AFG2A: variants seen among roughly 807,000 people sequenced by gnomAD.
AFG2A encodes the protein AAA ATPase AFG2A, also known as ATPase family gene 2 protein homolog A.
chr4:123,293,040 C>G, the AFG2A span, among the ~76,000 whole-genome samples: 52 of 152,192 alleles, frequency 3.4e-4, no homozygotes, highest in African/African-American at 1.2e-3. Flanking sequence ...ATCTGCCTCC[C>G]TGTCACACTC....
chr4:123,153,809 A>G, the AFG2A span, among the ~76,000 whole-genome samples: 2 of 152,196 alleles, frequency 1.3e-5, no homozygotes, highest in South Asian at 4.1e-4. Context: ...TCAAATGGAA[A>G]AAGAAAAAAC....
chr4:123,044,615 C>A, the AFG2A span, among the ~76,000 whole-genome samples: 1 of 152,172 alleles, frequency 6.6e-6, no homozygotes, highest in Non-Finnish European at 1.5e-5. Context: ...CATGTTTTAA[C>A]AAGTTAGTAT....
chr4:123,247,024 C>T, the AFG2A span, among the ~76,000 whole-genome samples: 1 of 152,084 alleles, frequency 6.6e-6, no homozygotes, highest in Non-Finnish European at 1.5e-5. Context: ...CATTTTCTGA[C>T]CCATTTGTAA....
At chr4:123,264,116 A>G in the AFG2A span, among the ~76,000 whole-genome samples, 3 of 152,174 alleles carry the variant, frequency 2.0e-5, no homozygotes, top group Non-Finnish European at 4.4e-5. Context: ...AGAAACAGAA[A>G]CCCAAACATC....
the AFG2A span, among the ~76,000 whole-genome samples, chr4:123,187,582 A>G: frequency 6.6e-6 from 1 of 152,156 alleles, no homozygotes; most frequent in African/African-American, 2.4e-5. Context: ...CATCAAAATT[A>G]TATTTATTAC....
At chr4:123,066,346 TA>T in the AFG2A span, among the ~76,000 whole-genome samples, 1 of 152,210 alleles carries the variant, frequency 6.6e-6, no homozygotes, top group Non-Finnish European at 1.5e-5. Context: ...AGAAGGGTTA[TA>T]AATTTTTTAA....
chr4:122,995,808 T>C, the AFG2A span, among the ~76,000 whole-genome samples: 1 of 152,220 alleles, frequency 6.6e-6, no homozygotes, highest in Admixed American at 6.5e-5. Flanking sequence ...TGATCAGTGC[T>C]CTTTAAATAC....
the AFG2A span, among the ~76,000 whole-genome samples, chr4:123,105,052 C>T: frequency 6.6e-6 from 1 of 152,190 alleles, no homozygotes; most frequent in South Asian, 2.1e-4. Context: ...CTAGGACTTT[C>T]ATAGCTAGAG....
the AFG2A span, among the ~76,000 whole-genome samples, chr4:123,281,273 G>A: frequency 6.6e-6 from 1 of 152,080 alleles, no homozygotes; most frequent in Non-Finnish European, 1.5e-5. Flanking sequence ...TCCCTTCTAA[G>A]ATAAAAGGAA....
the AFG2A span, among the ~76,000 whole-genome samples, chr4:123,013,086 G>C: frequency 2.0e-5 from 3 of 152,132 alleles, no homozygotes; most frequent in Admixed American, 1.3e-4. Context: ...CCGTTTTATA[G>C]GATTTGGGTA....
chr4:122,927,659 C>A, the AFG2A span: 1 of 1,611,112 alleles, frequency 6.2e-7, no homozygotes, highest in Non-Finnish European at 8.5e-7. Context: ...CTAAAACATT[C>A]CAGAATTCCC....
the AFG2A span, among the ~76,000 whole-genome samples, chr4:123,151,520 C>T: frequency 6.6e-6 from 1 of 152,024 alleles, no homozygotes; most frequent in African/African-American, 2.4e-5. Flanking sequence ...AACCAACAAA[C>T]ATAAGAAAAA....
At chr4:123,147,647 T>G in the AFG2A span, among the ~76,000 whole-genome samples, 58 of 152,248 alleles carry the variant, frequency 3.8e-4, no homozygotes, top group East Asian at 7.9e-3. Flanking sequence ...TTCCACAAAT[T>G]TTTTTTAGAA....
the AFG2A span, among the ~76,000 whole-genome samples, chr4:123,011,800 G>A: frequency 6.6e-6 from 1 of 152,132 alleles, no homozygotes; most frequent in Admixed American, 6.5e-5. Context: ...TAGTGAAGGA[G>A]CAAGTCCAGA....
the AFG2A span, among the ~76,000 whole-genome samples, chr4:123,215,770 G>T: frequency 6.6e-6 from 1 of 152,030 alleles, no homozygotes; most frequent in East Asian, 1.9e-4. Flanking sequence ...TTGCCTGAAT[G>T]AATCTCTTCA....
chr4:123,284,153 C>T, the AFG2A span, among the ~76,000 whole-genome samples: 1 of 152,172 alleles, frequency 6.6e-6, no homozygotes, highest in Non-Finnish European at 1.5e-5. Context: ...GAGGGCTGTG[C>T]CCTTTTCCCA....
the AFG2A span, chr4:122,935,719 C>A: frequency 6.4e-7 from 1 of 1,574,746 alleles, no homozygotes; most frequent in Non-Finnish European, 8.6e-7. Flanking sequence ...TCCAGGAATT[C>A]CTGCCCCTAG....
the AFG2A span, among the ~76,000 whole-genome samples, chr4:123,029,952 T>TAAAA: frequency 9.3e-4 from 142 of 152,344 alleles, no homozygotes; most frequent in Middle Eastern, 3.4e-3. Flanking sequence ...GTTGCGGTTT[T>TAAAA]AAGGGTTGAA....
At chr4:123,168,768 T>C in the AFG2A span, among the ~76,000 whole-genome samples, 4 of 152,226 alleles carry the variant, frequency 2.6e-5, no homozygotes, top group Non-Finnish European at 5.9e-5. Flanking sequence ...AAGCTGTAAA[T>C]ATTATTAATT....
Sources: gnomAD v4.1 joint callset for allele counts (sites outside exome capture counted in the v4.1 genomes callset) on GRCh38, gnomAD v4.1.1 for gene constraint, MANE v1.5 for transcripts, NCBI Gene and HGNC (gene_info 2026-07-23, HGNC 2026-07-21) for gene names.